Variants in SDCCAG8 observed in about 807,000 individuals in gnomAD.
SDCCAG8 encodes the protein serologically defined colon cancer antigen 8.
In SDCCAG8, 74 loss-of-function variants were observed where a neutral mutation model predicts 101.8. The observed-to-expected ratio is 0.73, with a 90% CI of 0.60 to 0.88. The LOEUF (loss-of-function observed/expected upper bound fraction) is 0.88. SDCCAG8 is among the 40% of genes least tolerant of loss of function. The probability of loss-of-function intolerance (pLI) is 0.00; values close to 1 mark genes in which losing one functional copy is unlikely to be tolerated. For synonymous variants in SDCCAG8, 281 were observed against 292.9 expected, an observed-to-expected ratio of 0.96 and a Z score of 0.41; for missense variants, 787 against 822.6, an observed-to-expected ratio of 0.96 and a Z score of 0.53.
chr1:243,324,613 C>T (rs1456473171), intron 9 of SDCCAG8, among the ~76,000 whole-genome samples: 1 of 151,942 alleles, frequency 6.6e-6, no homozygotes, highest in African/African-American at 2.4e-5. Flanking sequence ...TGTGAGCCAC[C>T]GTGTCCAGTG....
At chr1:243,262,678 A>G (rs939006653) in intron 1 of SDCCAG8, among the ~76,000 whole-genome samples, 3 of 152,172 alleles carry the variant, frequency 2.0e-5, no homozygotes, top group African/African-American at 7.2e-5. Context: ...TTTTCAAACT[A>G]TTGAGATACT....
chr1:243,296,574 G>C (rs953405020), intron 6 of SDCCAG8, among the ~76,000 whole-genome samples: 26 of 109,722 alleles, frequency 2.4e-4, no homozygotes, highest in Non-Finnish European at 4.0e-4. Flanking sequence ...ACGGAGTCTC[G>C]TTCTGTCGCC....
chr1:243,307,800 A>G (rs756782939), intron 7 of SDCCAG8, 189 bp from the exon 8 acceptor site: 20 of 1,451,514 alleles, frequency 1.4e-5, no homozygotes, highest in Non-Finnish European at 1.7e-5. Flanking sequence ...CATCATATTC[A>G]ACGTGTCAAT....
chr1:243,379,480 G>A (rs552111609), intron 13 of SDCCAG8, among the ~76,000 whole-genome samples: 3 of 152,108 alleles, frequency 2.0e-5, no homozygotes, highest in East Asian at 1.9e-4. Flanking sequence ...TATGTAGCTC[G>A]GCCCTAAATT....
chr1:243,430,447 T>TATTTA (rs1246920353), intron 16 of SDCCAG8, among the ~76,000 whole-genome samples: 2 of 152,044 alleles, frequency 1.3e-5, no homozygotes, highest in Non-Finnish European at 2.9e-5. Context: ...TATTTTATTT[T>TATTTA]ATTTATTTAT....
intron 3 of SDCCAG8, among the ~76,000 whole-genome samples, chr1:243,273,486 G>T (rs1185085233): frequency 6.6e-6 from 1 of 151,996 alleles, no homozygotes; most frequent in African/African-American, 2.4e-5. Flanking sequence ...GCGTTTTTTT[G>T]AAATCTCTTC....
Position 243,416,831 on chromosome 1 carries a change from C to T in SDCCAG8, c.1744+1002C>T, listed in dbSNP as rs899383013. Among the ~76,000 whole-genome samples, 7 of 152,180 alleles carry T rather than the reference C, an allele frequency of 4.6e-5. No individual in the cohort carries two copies. Among genetic ancestry groups the T allele is most frequent in the African/African-American group, 1.7e-4 (7 of 41,450 alleles). On this transcript the variant is annotated intron_variant, in intron 14 of 17. Transcript: ENST00000366541. The surrounding 1 kb of genome is among the most constrained non-coding windows in gnomAD (Gnocchi z 4.3). ...AACAAAAGTTTAATTGATCCTGTCT[C>T]TTCCAGAAAAATGTTGCTTAATTTT...
chr1:243,420,556 C>T (rs550292985), intron 15 of SDCCAG8, among the ~76,000 whole-genome samples: 1 of 152,228 alleles, frequency 6.6e-6, no homozygotes, highest in South Asian at 2.1e-4. Flanking sequence ...TATTTTGTAA[C>T]TCTGATGAAT....
intron 16 of SDCCAG8, among the ~76,000 whole-genome samples, chr1:243,443,200 C>G (rs1192036390): frequency 1.3e-5 from 2 of 152,142 alleles, no homozygotes; most frequent in Admixed American, 6.5e-5. Flanking sequence ...GTAACTTTCT[C>G]TCAGTGACAT....
At chr1:243,312,688 A>G (rs948155887) in intron 8 of SDCCAG8, among the ~76,000 whole-genome samples, 3 of 148,364 alleles carry the variant, frequency 2.0e-5, no homozygotes, top group Non-Finnish European at 4.4e-5. Context: ...CCTGGGCAAC[A>G]GAGGAAGAAC....
chr1:243,391,602 C>T (rs1255733025), intron 13 of SDCCAG8, among the ~76,000 whole-genome samples: 2 of 152,196 alleles, frequency 1.3e-5, no homozygotes, highest in Non-Finnish European at 2.9e-5. Flanking sequence ...GAGCCACAGG[C>T]TGCTTGGTTT....
intron 16 of SDCCAG8, among the ~76,000 whole-genome samples, chr1:243,451,722 G>A (rs1157941936): frequency 1.3e-5 from 2 of 152,030 alleles, no homozygotes; most frequent in African/African-American, 4.8e-5. Flanking sequence ...TCACAAGTTC[G>A]AGATCAGCCT....
At chr1:243,382,145 G>A (rs968564595) in intron 13 of SDCCAG8, among the ~76,000 whole-genome samples, 9 of 152,156 alleles carry the variant, frequency 5.9e-5, no homozygotes, top group Admixed American at 3.9e-4. Context: ...GGGGAGCAGG[G>A]ACCAGCAGAA....
chr1:243,305,751 T>G (rs2072030356), intron 7 of SDCCAG8: 1 of 152,186 alleles, frequency 6.6e-6, no homozygotes, highest in Non-Finnish European at 1.5e-5. Context: ...TTTAAAATCT[T>G]CCAGGCCATA....
intron 8 of SDCCAG8, among the ~76,000 whole-genome samples, chr1:243,310,324 T>C (rs79489867): frequency 0.023 from 3,514 of 152,288 alleles, 57 homozygotes; most frequent in Non-Finnish European, 0.036. Context: ...ATTTATTATA[T>C]GTCAACGACT....
chr1:243,437,338 C>T (rs1288916333), intron 16 of SDCCAG8, among the ~76,000 whole-genome samples: 2 of 151,976 alleles, frequency 1.3e-5, no homozygotes, highest in African/African-American at 4.8e-5. Context: ...ATGATATTTC[C>T]CCTTTAGAAG....
chr1:243,270,599 T>C (rs1315620555), intron 2 of SDCCAG8, among the ~76,000 whole-genome samples: 1 of 152,196 alleles, frequency 6.6e-6, no homozygotes, highest in Admixed American at 6.5e-5. Flanking sequence ...CTTTGACATG[T>C]GCAGTGACTT....
At chr1:243,356,826 A>G (rs2076412323) in intron 12 of SDCCAG8, among the ~76,000 whole-genome samples, 1 of 152,018 alleles carries the variant, frequency 6.6e-6, no homozygotes, top group Non-Finnish European at 1.5e-5. Flanking sequence ...CTCTACAAAA[A>G]AAAGAAAAAA....
chr1:243,492,774 A>T (rs573680359), intron 17 of SDCCAG8, among the ~76,000 whole-genome samples: 2 of 148,326 alleles, frequency 1.3e-5, no homozygotes, highest in Non-Finnish European at 3.0e-5. Context: ...CGCCTGGCTA[A>T]TTTTGTATTT....
Sources: allele counts gnomAD v4.1 joint callset (sites outside exome capture counted in the v4.1 genomes callset), GRCh38; gene constraint gnomAD v4.1.1; non-coding constraint Gnocchi (gnomAD v3.1); transcripts MANE v1.5; gene names NCBI Gene and HGNC (gene_info 2026-07-23, HGNC 2026-07-21).